Variants in USP28 observed in about 807,000 individuals in gnomAD.
USP28 encodes ubiquitin carboxyl-terminal hydrolase 28.
In USP28, 113 loss-of-function variants were observed where a neutral mutation model predicts 145.0. The ratio of observed to expected loss-of-function variants is 0.78; its 90% confidence interval spans 0.67 to 0.91. The LOEUF (loss-of-function observed/expected upper bound fraction) is 0.91. Among genes scored for constraint, USP28 ranks in the 40% least tolerant of loss-of-function variants. USP28 has a pLI of 0.00. For synonymous variants in USP28, 447 were observed against 450.9 expected (o/e 0.99, Z 0.11); for missense variants, 1,201 against 1,289.6 (o/e 0.93, Z 1.05).
intron 15 of USP28, among the ~76,000 whole-genome samples, chr11:113,813,007 G>A (rs1277484237): frequency 6.6e-6 from 1 of 152,124 alleles, no homozygotes; most frequent in African/African-American, 2.4e-5. Flanking sequence ...CCCTTTTAAT[G>A]ACATACTTGT....
At chr11:113,807,817 C>G (rs1940271709) in intron 18 of USP28, 134 bp downstream of exon 19, 1 of 558,054 alleles carries the variant, frequency 1.8e-6, no homozygotes, top group African/African-American at 2.1e-5. Context: ...AAGGTCAAAA[C>G]CAAATAGGCT....
At chr11:113,839,820 G>A (rs1165286816) in intron 5 of USP28, among the ~76,000 whole-genome samples, 1 of 151,976 alleles carries the variant, frequency 6.6e-6, no homozygotes, top group Admixed American at 6.6e-5. Context: ...GTCAGGAGTT[G>A]GAGACCAGCC....
chr11:113,822,871 G>A (rs1203142138), intron 12 of USP28, among the ~76,000 whole-genome samples: 1 of 152,138 alleles, frequency 6.6e-6, no homozygotes, highest in African/African-American at 2.4e-5. Flanking sequence ...GTCCATCTTA[G>A]GCCTGGTATG....
At chr11:113,869,422 C>T (rs1003899747) in intron 1 of USP28, among the ~76,000 whole-genome samples, 2 of 151,938 alleles carry the variant, frequency 1.3e-5, no homozygotes, top group Non-Finnish European at 2.9e-5. Context: ...GACTGCGGTC[C>T]GTCTCAAAAA....
intron 15 of USP28, among the ~76,000 whole-genome samples, chr11:113,813,042 T>G (rs1388541802): frequency 6.6e-6 from 1 of 152,214 alleles, no homozygotes; most frequent in Non-Finnish European, 1.5e-5. Context: ...GAAAAGCACA[T>G]TTGTGTATTT....
chr11:113,812,555 T>C (rs1321801309), intron 15 of USP28, 51 bp from the exon 16 acceptor site: 2 of 1,520,380 alleles, frequency 1.3e-6, no homozygotes, highest in Non-Finnish European at 9.1e-7. Flanking sequence ...AGTAATCTGA[T>C]AAAGTTTAGG....
chr11:113,815,420 CA>C, intron 13 of USP28, 38 bp from the exon 14 acceptor site: 1 of 1,584,754 alleles, frequency 6.3e-7, no homozygotes, highest in South Asian at 1.1e-5. Context: ...TGATAATTTC[CA>C]AAAGATACCT....
At chr11:113,814,487 A>G (rs1216528987) in intron 14 of USP28, among the ~76,000 whole-genome samples, 3 of 152,182 alleles carry the variant, frequency 2.0e-5, no homozygotes, top group Non-Finnish European at 4.4e-5. Context: ...ATACCTCATT[A>G]ACCTTCAGTA....
intron 1 of USP28, among the ~76,000 whole-genome samples, chr11:113,869,971 TGACA>T (rs1283376975): frequency 4.6e-5 from 7 of 152,050 alleles, no homozygotes; most frequent in African/African-American, 1.7e-4. Context: ...AAGACCAACC[TGACA>T]AACATGGAGA....
chr11:113,817,861 T>G (rs1361949550), intron 12 of USP28, 24 bp from the exon 13 acceptor site: 1 of 1,612,196 alleles, frequency 6.2e-7, no homozygotes, highest in South Asian at 1.1e-5. Context: ...ACAGTGGTAC[T>G]CTACTGCCCA....
chr11:113,831,473 C>A (rs941247144), intron 8 of USP28, among the ~76,000 whole-genome samples: 5 of 152,280 alleles, frequency 3.3e-5, no homozygotes. Context: ...ACACAGATTT[C>A]TCAGAGGGAT....
chr11:113,871,726 CT>C (rs1280877781), intron 1 of USP28, among the ~76,000 whole-genome samples: 12 of 152,142 alleles, frequency 7.9e-5, no homozygotes, highest in South Asian at 4.1e-4. Flanking sequence ...GCAGGGAGCT[CT>C]TTTTAGACAT....
intron 1 of USP28, among the ~76,000 whole-genome samples, chr11:113,872,801 C>T (rs1464812491): frequency 1.3e-5 from 2 of 152,116 alleles, no homozygotes; most frequent in African/African-American, 4.8e-5. Context: ...CTATCGAAGT[C>T]AAGAATTGAT....
chr11:113,854,227 C>T lies in USP28; in HGVS notation c.135+31G>A, dbSNP rs531330712. The T allele has an allele frequency of 2.2e-4, 354 of 1,584,180 alleles. 2 individuals carry two copies. In the South Asian group the frequency reaches 3.8e-3, roughly 17 times the overall value. ...TATAATATAGACAGCTGCTTTAAAG[C>T]CTCCTGACTAACAGAGATCTGGAAA... On this transcript the variant is annotated intron_variant, in intron 2 of 24. Coordinates refer to ENST00000003302, the Ensembl canonical transcript of USP28.
At chr11:113,865,214 T>C (rs1355278012) in intron 1 of USP28, among the ~76,000 whole-genome samples, 2 of 152,088 alleles carry the variant, frequency 1.3e-5, no homozygotes, top group African/African-American at 4.8e-5. Flanking sequence ...CTATCAAAAT[T>C]CCAATGGTCC....
rs138879217 is a variant in USP28 at position 113,816,385 on chromosome 11, C to T, written c.1464-1003G>A. Among the ~76,000 whole-genome samples the T allele has an allele frequency of 3.0e-3, 463 of 152,134 alleles. 6 individuals are homozygous for T. Among genetic ancestry groups the T allele is most frequent in the African/African-American group, 0.011 (441 of 41,514 alleles). ...CAAAACTCAGCTGGGCATGGTGGCA[C>T]GCCTGTAGTCCCAGCTACTTGGGAG... On this transcript the variant is annotated intron_variant, in intron 13 of 24. Coordinates refer to ENST00000003302, the Ensembl canonical transcript of USP28.
chr11:113,862,353 A>C (rs929728101), intron 1 of USP28, among the ~76,000 whole-genome samples: 2 of 152,210 alleles, frequency 1.3e-5, no homozygotes, highest in African/African-American at 4.8e-5. Flanking sequence ...GTCTCAAATA[A>C]ATAAATAACA....
chr11:113,846,283 C>T (rs1945838644), intron 3 of USP28, among the ~76,000 whole-genome samples: 1 of 152,098 alleles, frequency 6.6e-6, no homozygotes, highest in South Asian at 2.1e-4. Context: ...CTGAACTGTA[C>T]ATTTAAGTAG....
exon 16 of USP28, chr11:113,812,356 C>A (rs142728209): frequency 3.1e-4 from 505 of 1,614,124 alleles, no homozygotes; most frequent in Non-Finnish European, 3.8e-4. Context: ...ATAGGAATCT[C>A]TTTCAACTTC....
Sources: allele counts gnomAD v4.1 joint callset (sites outside exome capture counted in the v4.1 genomes callset), GRCh38; gene constraint gnomAD v4.1.1; transcripts MANE v1.5; gene names NCBI Gene and HGNC (gene_info 2026-07-23, HGNC 2026-07-21).